Variants in FSTL5 observed in about 807,000 individuals in gnomAD.
FSTL5 encodes the protein follistatin like 5.
A neutral mutation model predicts 89.1 loss-of-function variants in FSTL5; 62 were observed. That is an observed-to-expected ratio of 0.70 (90% CI 0.57 to 0.86). The LOEUF (loss-of-function observed/expected upper bound fraction) is 0.86. FSTL5 is among the 40% of genes least tolerant of loss of function. FSTL5 has a pLI of 0.00. For synonymous variants in FSTL5, 383 were observed against 346.2 expected, an observed-to-expected ratio of 1.11 and a Z score of -1.18; for missense variants, 1,057 against 1,001.6, an observed-to-expected ratio of 1.06 and a Z score of -0.75.
chr4:161,700,526 G>T (rs1738351191), intron 6 of FSTL5, among the ~76,000 whole-genome samples: 1 of 151,554 alleles, frequency 6.6e-6, no homozygotes, highest in African/African-American at 2.4e-5. Context: ...TTGAGACAGG[G>T]TTATGAAACT....
chr4:162,064,818 T>C (rs1253686376), intron 2 of FSTL5, among the ~76,000 whole-genome samples: 1 of 151,978 alleles, frequency 6.6e-6, no homozygotes, highest in African/African-American at 2.4e-5. Flanking sequence ...TCCAATTTCC[T>C]TCACCTCCCA....
chr4:161,624,430 T>A (rs1224958756), intron 7 of FSTL5, among the ~76,000 whole-genome samples: 1 of 151,964 alleles, frequency 6.6e-6, no homozygotes, highest in Admixed American at 6.6e-5. Flanking sequence ...AGGGAATAAT[T>A]TGAGAACACA....
chr4:161,977,876 A>G (rs1241205649), intron 3 of FSTL5, among the ~76,000 whole-genome samples: 1 of 151,974 alleles, frequency 6.6e-6, no homozygotes, highest in Non-Finnish European at 1.5e-5. Context: ...CTATATGTCA[A>G]TCCAGGGACT....
chr4:161,829,139 T>TTATATATA (rs56839306), intron 4 of FSTL5, among the ~76,000 whole-genome samples: 10,708 of 139,684 alleles, frequency 0.077, 443 homozygotes, highest in East Asian at 0.14. Context: ...CAGTCACATT[T>TTATATATA]TATATATATA....
intron 13 of FSTL5, among the ~76,000 whole-genome samples, chr4:161,480,144 C>T (rs1729446213): frequency 1.3e-5 from 2 of 152,092 alleles, no homozygotes; most frequent in Admixed American, 6.5e-5. Context: ...GGTCCAGTTT[C>T]CCCAGAAATT....
In FSTL5 at chr4:161,464,989, C is replaced by A. The variant is rs546225628; in HGVS notation, c.1609-5670G>T. On this transcript the variant is annotated intron_variant, in intron 13 of 15. Transcript: ENST00000306100. ...AACAATCTTTTTGTTGAAGTATGCA[C>A]TATTGTCATCTCTTTTATAGGGATA... 2.6e-5 allele frequency among the ~76,000 whole-genome samples: 4 copies of A among 152,158 alleles called. No homozygotes were observed. The South Asian group carries it at 6.2e-4, about 24-fold the overall frequency.
chr4:161,749,961 G>A (rs1740339732), intron 6 of FSTL5, among the ~76,000 whole-genome samples: 1 of 151,804 alleles, frequency 6.6e-6, no homozygotes, highest in Admixed American at 6.6e-5. Flanking sequence ...CACCATTACA[G>A]CATATATCCA....
chr4:161,465,222 T>C (rs1733711598), intron 13 of FSTL5, among the ~76,000 whole-genome samples: 1 of 152,116 alleles, frequency 6.6e-6, no homozygotes, highest in Non-Finnish European at 1.5e-5. Flanking sequence ...ACAGATGTCA[T>C]AGGATTCTCT....
At chr4:161,387,399 T>A (rs1730682984) in intron 15 of FSTL5, 1 of 152,024 alleles carries the variant, frequency 6.6e-6, no homozygotes, top group South Asian at 2.1e-4. Flanking sequence ...ACTGTGTTCA[T>A]AAGTAATACA....
At chr4:161,848,456 A>G (rs561388902) in intron 4 of FSTL5, among the ~76,000 whole-genome samples, 8 of 152,302 alleles carry the variant, frequency 5.3e-5, no homozygotes, top group Non-Finnish European at 8.8e-5. Flanking sequence ...GTAATGTTCT[A>G]TAATGTTTTT....
At chr4:161,419,729 T>C (rs1731917689) in intron 15 of FSTL5, among the ~76,000 whole-genome samples, 1 of 152,158 alleles carries the variant, frequency 6.6e-6, no homozygotes, top group Non-Finnish European at 1.5e-5. Flanking sequence ...CTCCTAACTA[T>C]AAAGATGAGA....
intron 2 of FSTL5, among the ~76,000 whole-genome samples, chr4:162,060,378 G>T (rs563342414): frequency 9.2e-5 from 14 of 152,124 alleles, no homozygotes; most frequent in Middle Eastern, 3.4e-3. Flanking sequence ...GTGAAATGGT[G>T]ATTCTATTTC....
At chr4:161,801,670 T>G (rs901435454) in intron 4 of FSTL5, among the ~76,000 whole-genome samples, 7 of 151,050 alleles carry the variant, frequency 4.6e-5, no homozygotes, top group Non-Finnish European at 1.0e-4. Flanking sequence ...AATATTTTAT[T>G]TTATTTCTGT....
intron 6 of FSTL5, among the ~76,000 whole-genome samples, chr4:161,710,222 C>T (rs551654893): frequency 6.6e-6 from 1 of 152,188 alleles, no homozygotes; most frequent in African/African-American, 2.4e-5. Context: ...CCTTTCTTGG[C>T]CTTGGAAAGT....
At chr4:161,618,867 A>G (rs1734996199) in intron 7 of FSTL5, among the ~76,000 whole-genome samples, 1 of 152,240 alleles carries the variant, frequency 6.6e-6, no homozygotes, top group East Asian at 1.9e-4. Flanking sequence ...ACCAAAAAAG[A>G]GCCTGCATCG....
At chr4:161,644,103 T>TAAA (rs796103469) in intron 7 of FSTL5, among the ~76,000 whole-genome samples, 3 of 145,196 alleles carry the variant, frequency 2.1e-5, no homozygotes, top group East Asian at 4.0e-4. Context: ...TGAGGAACTT[T>TAAA]AAAAAAAAAA....
intron 6 of FSTL5, among the ~76,000 whole-genome samples, chr4:161,685,264 T>G: frequency 6.6e-6 from 1 of 152,196 alleles, no homozygotes; most frequent in African/African-American, 2.4e-5. Context: ...TTTAGGATTG[T>G]GTTTTCCAAT....
At chr4:161,985,170 C>A (rs1735929349) in intron 3 of FSTL5, among the ~76,000 whole-genome samples, 1 of 151,726 alleles carries the variant, frequency 6.6e-6, no homozygotes, top group African/African-American at 2.4e-5. Flanking sequence ...CTGAGTAATT[C>A]TTATATTTAC....
intron 13 of FSTL5, among the ~76,000 whole-genome samples, chr4:161,463,401 T>G (rs1191696012): frequency 6.6e-6 from 1 of 152,162 alleles, no homozygotes; most frequent in Non-Finnish European, 1.5e-5. Context: ...ATTTATAAGT[T>G]TTCATGTATA....
Sources: allele counts gnomAD v4.1 joint callset (sites outside exome capture counted in the v4.1 genomes callset), GRCh38; gene constraint gnomAD v4.1.1; transcripts MANE v1.5; gene names NCBI Gene and HGNC (gene_info 2026-07-23, HGNC 2026-07-21).